GBE1: variants seen among roughly 807,000 people sequenced by gnomAD.
GBE1 encodes the protein 1,4-alpha-glucan branching enzyme 1.
GBE1 carries 70 observed loss-of-function variants against 88.8 expected under a neutral mutation model. That is an observed-to-expected ratio of 0.79 (90% confidence interval 0.65 to 0.96). The LOEUF (loss-of-function observed/expected upper bound fraction) is 0.96, where lower values mean the gene tolerates loss of function less well. Ranked by LOEUF, GBE1 falls within the 40% of genes least tolerant of loss-of-function variation. The pLI is 0.00. For synonymous variants in GBE1, 284 were observed against 300.1 expected (o/e 0.95, Z 0.56); for missense variants, 872 against 871.0 (o/e 1.00, Z -0.01).
intron 5 of GBE1, among the ~76,000 whole-genome samples, chr3:81,646,917 A>G (rs1305228033): frequency 6.6e-6 from 1 of 151,488 alleles, no homozygotes; most frequent in East Asian, 1.9e-4. Context: ...TCCATATAGC[A>G]TAAGAAATAG....
chr3:81,505,110 G>T (rs1702636703), intron 14 of GBE1, among the ~76,000 whole-genome samples: 1 of 152,116 alleles, frequency 6.6e-6, no homozygotes, highest in Admixed American at 6.5e-5. Context: ...CATCAATATT[G>T]TAAGATACAT....
At position 81,639,107 on chromosome 3, in the gene GBE1, A is replaced by T. The variant is rs1043879752; in HGVS notation, c.992+3674T>A. On this transcript the variant is annotated intron_variant, in intron 7 of 15. Coordinates refer to ENST00000429644, the MANE Select transcript of GBE1 (RefSeq NM_000158.4). ...AAATTGTAATTTCTGATTTCATCTGAATAAGGAACAAACTCAAAATTACAG... is the reference window on the plus strand; with the variant it reads ...AAATTGTAATTTCTGATTTCATCTGTATAAGGAACAAACTCAAAATTACAG... 1.2e-4 allele frequency among the ~76,000 whole-genome samples: 19 copies of T among 152,138 alleles called. 1 individual carries two copies. Among genetic ancestry groups the T allele is most frequent in the Non-Finnish European group, 2.8e-4 (19 of 68,014 alleles).
intron 12 of GBE1, among the ~76,000 whole-genome samples, chr3:81,539,203 C>G (rs755253551): frequency 6.6e-6 from 1 of 151,998 alleles, no homozygotes; most frequent in Non-Finnish European, 1.5e-5. Context: ...CTCTTAATTA[C>G]TACCATAGCA....
At chr3:81,526,071 T>C (rs1241291479) in intron 14 of GBE1, among the ~76,000 whole-genome samples, 1 of 152,108 alleles carries the variant, frequency 6.6e-6, no homozygotes, top group Non-Finnish European at 1.5e-5. Flanking sequence ...TGCCTTCTGC[T>C]AGCTTTTGAA....
At chr3:81,497,817 TCTAA>T (rs1393028279) in intron 15 of GBE1, among the ~76,000 whole-genome samples, 2 of 152,168 alleles carry the variant, frequency 1.3e-5, no homozygotes, top group Non-Finnish European at 2.9e-5. Context: ...CCTAAGGGCA[TCTAA>T]CTCTTTTGAT....
rs1026338481 is a variant in GBE1 at position 81,534,122 on chromosome 3, T to A, written c.1934+1073A>T. ...ACCTTGCTCAGGTGGCAGATGCTAA[T>A]CATTGTTAGGGCTTCAGGGGGCAAG... On this transcript the variant is annotated intron_variant, in intron 14 of 15. Coordinates refer to ENST00000429644, the MANE Select transcript of GBE1 (RefSeq NM_000158.4). Among the ~76,000 whole-genome samples, 4 of 151,994 alleles carry A rather than the reference T, an allele frequency of 2.6e-5. No individual in the cohort carries two copies. The East Asian group carries it at 7.7e-4, about 29-fold the overall frequency.
intron 3 of GBE1, among the ~76,000 whole-genome samples, chr3:81,664,890 T>G (rs1705089492): frequency 6.6e-6 from 1 of 152,216 alleles, no homozygotes. Context: ...AAACCTTGTT[T>G]AATATAAGTA....
At chr3:81,536,030 T>C (rs969159807) in intron 13 of GBE1, among the ~76,000 whole-genome samples, 2 of 151,958 alleles carry the variant, frequency 1.3e-5, no homozygotes. Context: ...CTTGGTAATT[T>C]AGAAATGTGA....
intron 6 of GBE1, among the ~76,000 whole-genome samples, chr3:81,646,160 T>G (rs1233852654): frequency 2.0e-5 from 3 of 152,190 alleles, no homozygotes; most frequent in Non-Finnish European, 2.9e-5. Flanking sequence ...AGCAGGTAAC[T>G]GGACATTCTA....
intron 7 of GBE1, among the ~76,000 whole-genome samples, chr3:81,639,087 G>A (rs892650567): frequency 3.9e-5 from 6 of 152,076 alleles, no homozygotes; most frequent in Non-Finnish European, 7.4e-5. Flanking sequence ...AACATAAATT[G>A]TAATTTCTGA....
chr3:81,596,572 G>A (rs1703959578), intron 7 of GBE1, among the ~76,000 whole-genome samples: 2 of 151,880 alleles, frequency 1.3e-5, no homozygotes, highest in African/African-American at 4.8e-5. Context: ...AAGGATAGTA[G>A]TCTTAGTTAT....
chr3:81,648,431 G>A (rs1473167845), intron 5 of GBE1, among the ~76,000 whole-genome samples: 2 of 152,002 alleles, frequency 1.3e-5, no homozygotes. Context: ...AAATCATCCA[G>A]GCAGGGGCTA....
rs1702416015 is a variant in GBE1 at position 81,489,934 on chromosome 3, C to G, written c.*473G>C. 1 of 156,534 alleles carries G rather than the reference C, an allele frequency of 6.4e-6. No homozygotes were observed. The highest frequency in any genetic ancestry group is 1.9e-4 in the South Asian group (1 of 5,316). The allele number at this position is 156,534 out of a possible 1,614,324, so 9.7% of individuals were successfully genotyped here. A position where few individuals can be genotyped will look rare whatever the true frequency, so the allele number is the denominator to read the frequency against. ...CTACTGCATATTTATTACAGTATTT[C>G]TAAACACAATTTGAAAAAAAGAAAC... On this transcript the variant is annotated 3_prime_UTR_variant, in exon 16 of 16. Transcript: ENST00000429644.
Position 81,628,742 on chromosome 3 carries a change from CATATATATATATATAT to C in GBE1, c.992+14023_992+14038del, listed in dbSNP as rs71108330. Among the ~76,000 whole-genome samples, 622 of 65,430 alleles carry C rather than the reference CATATATATATATATAT, an allele frequency of 9.5e-3. 13 individuals are homozygous for C. The highest frequency in any genetic ancestry group is 0.012 in the African/African-American group (194 of 15,950). The allele number at this position is 65,430 out of a possible 152,430, so 42.9% of individuals were successfully genotyped here. A position where few individuals can be genotyped will look rare whatever the true frequency, so the allele number is the denominator to read the frequency against. On this transcript the variant is annotated intron_variant, in intron 7 of 15. Transcript: ENST00000429644. ...AAATATAAAGGAGAAAGAACAATTG[CATATATATATATATAT>C]ATATATATATATATATATATATATA...
chr3:81,750,617 GTATATATATATACGTATATATATATA>G (rs1706503902), intron 1 of GBE1, among the ~76,000 whole-genome samples: 2 of 42,138 alleles, frequency 4.7e-5, no homozygotes, highest in African/African-American at 2.9e-4. Flanking sequence ...ATATATATAT[GTATATATATATACGTATATATATATA>G]TGTATATATA....
intron 12 of GBE1, among the ~76,000 whole-genome samples, chr3:81,552,165 T>C (rs1576145598): frequency 6.6e-6 from 1 of 152,312 alleles, no homozygotes; most frequent in Non-Finnish European, 1.5e-5. Context: ...TAAGTTCTCA[T>C]CAATAAGGCA....
chr3:81,753,845 T>C (rs768718768), intron 1 of GBE1, among the ~76,000 whole-genome samples: 16 of 152,162 alleles, frequency 1.1e-4, no homozygotes, highest in Non-Finnish European at 1.9e-4. Flanking sequence ...GTCACTGACA[T>C]CTGACTTCCT....
intron 3 of GBE1, among the ~76,000 whole-genome samples, chr3:81,657,887 G>A (rs1223013760): frequency 2.0e-5 from 3 of 152,036 alleles, no homozygotes; most frequent in Non-Finnish European, 4.4e-5. Flanking sequence ...TTCAGGAATT[G>A]AGAGAGGTGG....
chr3:81,626,755 AT>A (rs1401891864), intron 7 of GBE1, among the ~76,000 whole-genome samples: 17 of 147,344 alleles, frequency 1.2e-4, no homozygotes, highest in Admixed American at 1.0e-3. Context: ...AAAAAAAAAA[AT>A]CTCTTCTATG....
Sources: allele counts gnomAD v4.1 joint callset (sites outside exome capture counted in the v4.1 genomes callset), GRCh38; gene constraint gnomAD v4.1.1; transcripts MANE v1.5; gene names NCBI Gene and HGNC (gene_info 2026-07-23, HGNC 2026-07-21).